TUBGCP3: variants seen among roughly 807,000 people sequenced by gnomAD.
TUBGCP3 encodes the protein gamma-tubulin complex component 3.
In TUBGCP3, 50 loss-of-function variants were observed where a neutral mutation model predicts 123.1. The observed-to-expected ratio is 0.41, with a 90% CI of 0.32 to 0.51. The LOEUF (loss-of-function observed/expected upper bound fraction) is 0.51. Ranked by LOEUF, TUBGCP3 falls within the 20% of genes least tolerant of loss-of-function variation. The probability of loss-of-function intolerance (pLI) is 0.36; values close to 1 mark genes in which losing one functional copy is unlikely to be tolerated. For missense variants in TUBGCP3, 882 were observed against 1,127.0 expected (o/e 0.78, Z 3.11); for synonymous variants, 405 against 413.9 (o/e 0.98, Z 0.26).
chr13:112,505,061 T>C (rs1160595512), intron 17 of TUBGCP3, among the ~76,000 whole-genome samples: 4 of 152,230 alleles, frequency 2.6e-5, no homozygotes, highest in Admixed American at 1.3e-4. Context: ...GGCTTTACAA[T>C]TAGTTTGCCT....
In TUBGCP3 at chr13:112,556,062, C is replaced by A. The variant is rs769994619; in HGVS notation, c.711G>T (p.Gly237=). 6.2e-7 allele frequency: 1 copy of A among 1,613,182 alleles called. No individual in the cohort carries two copies. The highest frequency in any genetic ancestry group is 8.5e-7 in the Non-Finnish European group (1 of 1,179,290). Residue 237 remains glycine, a synonymous_variant, in exon 6 of 22, where the codon GGG becomes GGT. Transcript: ENST00000261965. The part of the protein sequence containing the change: ...SRNMTRSRRE[G]DTGGTMEITE... ...TAGATCCTTACTCACCACCCGTATC[C>A]CCTTCTCTCCTGGACCTTGTCATGT... is the stretch of plus-strand genomic sequence containing the variant.
chr13:112,565,631 A>G (rs763863104), intron 2 of TUBGCP3, among the ~76,000 whole-genome samples: 1 of 152,196 alleles, frequency 6.6e-6, no homozygotes, highest in African/African-American at 2.4e-5. Flanking sequence ...TATCCTAAAC[A>G]TTTTTGTTAA....
rs745425671 is a variant in TUBGCP3 at position 112,558,418 on chromosome 13, A to G, written c.331-5T>C. On this transcript the variant is annotated splice_polypyrimidine_tract_variant and splice_region_variant and intron_variant, in intron 4 of 21. Transcript: ENST00000261965. ...TAACGTAGCATAGCTAGAAACCTGAAAAGAGAAACACACTAAGAGCAGAGA... is the reference window on the plus strand; with the variant it reads ...TAACGTAGCATAGCTAGAAACCTGAGAAGAGAAACACACTAAGAGCAGAGA... The G allele has an allele frequency of 2.6e-6, 4 of 1,540,342 alleles. No individual in the cohort carries two copies. The highest frequency in any genetic ancestry group is 3.7e-5 in the Admixed American group (2 of 53,738).
Position 112,547,606 on chromosome 13 carries a change from G to C in TUBGCP3, c.1168+14C>G, listed in dbSNP as rs1879167129. 6.7e-7 allele frequency: 1 copy of C among 1,489,636 alleles called. No homozygotes were observed. 92.3% of individuals were successfully genotyped at this position (1,489,636 alleles called of 1,614,324 possible). A position where few individuals can be genotyped will look rare whatever the true frequency, so the allele number is the denominator to read the frequency against. ...GCGTGGGAAAGACGTGCGTGGGAAAGACGCGCGTGGGACCTTGGCAGTGGT... is the reference window on the plus strand; with the variant it reads ...GCGTGGGAAAGACGTGCGTGGGAAACACGCGCGTGGGACCTTGGCAGTGGT... On this transcript the variant is annotated intron_variant, in intron 10 of 21. Transcript: ENST00000261965.
At chr13:112,603,817 A>G in the TUBGCP3 span, 5 of 152,334 alleles carry the variant, frequency 3.3e-5, no homozygotes, top group African/African-American at 1.2e-4. Context: ...AAGCTAACAT[A>G]CACAGAGTGA....
chr13:112,554,449 C>T (rs113295307), intron 7 of TUBGCP3, among the ~76,000 whole-genome samples: 469 of 152,214 alleles, frequency 3.1e-3, no homozygotes, highest in African/African-American at 0.01. Context: ...ATCTCAGCCA[C>T]GCTGTGAAAG....
chr13:112,501,407 T>C (rs1370586639), intron 19 of TUBGCP3, among the ~76,000 whole-genome samples: 1 of 152,218 alleles, frequency 6.6e-6, no homozygotes, highest in African/African-American at 2.4e-5. Context: ...CAGGCAGGGC[T>C]CTGCTGGCAA....
intron 2 of TUBGCP3, among the ~76,000 whole-genome samples, chr13:112,567,326 A>C (rs945602737): frequency 6.6e-5 from 10 of 152,232 alleles, no homozygotes; most frequent in African/African-American, 1.9e-4. Flanking sequence ...AGTTTAAACA[A>C]ACTTTATTTT....
Position 112,548,010 on chromosome 13 carries a change from T to A in TUBGCP3, c.1035+98A>T, listed in dbSNP as rs558407409. On this transcript the variant is annotated intron_variant, in intron 9 of 21. Coordinates refer to ENST00000261965, the MANE Select transcript of TUBGCP3 (RefSeq NM_006322.6). Reference sequence around the variant, plus strand: ...TATTATGAAAAATATTGCTGTATTTTAAAAGTAATGTATGAAGGAACTTAA... The same window carrying A: ...TATTATGAAAAATATTGCTGTATTTAAAAAGTAATGTATGAAGGAACTTAA... 15 of 981,078 alleles carry A rather than the reference T, an allele frequency of 1.5e-5. No individual in the cohort carries two copies. The African/African-American group carries it at 1.8e-4, about 12-fold the overall frequency. 60.8% of individuals were successfully genotyped at this position (981,078 alleles called of 1,614,324 possible).
intron 3 of TUBGCP3, among the ~76,000 whole-genome samples, chr13:112,559,636 G>C (rs1566578647): frequency 6.6e-6 from 1 of 152,098 alleles, no homozygotes; most frequent in Non-Finnish European, 1.5e-5. Context: ...TAGCTCTAAA[G>C]TCCCCAAGAA....
chr13:112,508,723 C>A lies in TUBGCP3; in HGVS notation c.2087-4009G>T, dbSNP rs186130059. ...TATTTGAATGGAATCACTATCCCCC[C>A]CAAAGAAGCTCTTCCTCCAGTGCTC... On this transcript the variant is annotated intron_variant, in intron 17 of 21. Transcript: ENST00000261965. This position sits in a 1 kb window ranked among gnomAD's most constrained non-coding sequence, Gnocchi z 4.2. Among the ~76,000 whole-genome samples, 2 of 152,170 alleles carry A rather than the reference C, an allele frequency of 1.3e-5. No individual in the cohort carries two copies. Among genetic ancestry groups the A allele is most frequent in the African/African-American group, 2.4e-5 (1 of 41,436 alleles).
At chr13:112,522,205 G>C in intron 14 of TUBGCP3, 115 bp downstream of exon 14, 1 of 995,854 alleles carries the variant, frequency 1.0e-6, no homozygotes, top group African/African-American at 1.6e-5. Flanking sequence ...ATTTTAAAAA[G>C]TATGCTCGAA....
At chr13:112,494,909 C>G (rs1880427167) in intron 20 of TUBGCP3, among the ~76,000 whole-genome samples, 2 of 152,192 alleles carry the variant, frequency 1.3e-5, no homozygotes, top group Admixed American at 1.3e-4. Context: ...CCTTTCTTAA[C>G]TGAATTACTA....
At chr13:112,516,261 T>C (rs1876113708) in intron 17 of TUBGCP3, among the ~76,000 whole-genome samples, 179 bp downstream of exon 17, 1 of 152,186 alleles carries the variant, frequency 6.6e-6, no homozygotes, top group Non-Finnish European at 1.5e-5. Context: ...AAAGTATATA[T>C]ATGAACATTA....
upstream of TUBGCP3, among the ~76,000 whole-genome samples, chr13:112,589,939 C>T (rs191631666): frequency 1.6e-4 from 25 of 152,122 alleles, no homozygotes; most frequent in East Asian, 3.7e-3. Context: ...GACTGATGTA[C>T]GGTTTGACCA....
chr13:112,586,800 A>G (rs1002355825), intron 1 of TUBGCP3, among the ~76,000 whole-genome samples: 2 of 151,940 alleles, frequency 1.3e-5, no homozygotes, highest in Non-Finnish European at 2.9e-5. Flanking sequence ...TCCCGGGGGG[A>G]ACTTTGAGGA....
chr13:112,526,400 T>A (rs1469579219), intron 13 of TUBGCP3, among the ~76,000 whole-genome samples: 3 of 145,000 alleles, frequency 2.1e-5, no homozygotes, highest in Non-Finnish European at 4.5e-5. Context: ...ATCATCACCA[T>A]CAACATCATC....
intron 2 of TUBGCP3, among the ~76,000 whole-genome samples, chr13:112,568,679 A>T (rs1357894697): frequency 6.6e-6 from 1 of 152,244 alleles, no homozygotes; most frequent in Non-Finnish European, 1.5e-5. Context: ...CCTCTTTTCT[A>T]GGCCAACTGA....
the TUBGCP3 span, among the ~76,000 whole-genome samples, chr13:112,600,483 G>C: frequency 0.17 from 25,538 of 152,098 alleles, 3,348 homozygotes; most frequent in African/African-American, 0.36. Context: ...ATTGAAACTT[G>C]AACCAGGCTT....
Sources: allele counts gnomAD v4.1 joint callset (sites outside exome capture counted in the v4.1 genomes callset), GRCh38; gene constraint gnomAD v4.1.1; non-coding constraint Gnocchi (gnomAD v3.1); transcripts MANE v1.5; gene names NCBI Gene and HGNC (gene_info 2026-07-23, HGNC 2026-07-21).